KCNK2: variants seen among roughly 807,000 people sequenced by gnomAD.
KCNK2 encodes the protein potassium two pore domain channel subfamily K member 2.
Under a neutral mutation model 40.5 loss-of-function variants are expected in KCNK2, and 21 were observed. That is an observed-to-expected ratio of 0.52 (90% CI 0.37 to 0.75). The LOEUF (loss-of-function observed/expected upper bound fraction) is 0.75, where lower values mean the gene tolerates loss of function less well. KCNK2 is among the 30% of genes least tolerant of loss of function. The pLI is 0.00. For missense variants in KCNK2, 399 were observed against 531.6 expected (o/e 0.75, Z 2.45); for synonymous variants, 191 against 202.2 (o/e 0.94, Z 0.47).
intron 6 of KCNK2, among the ~76,000 whole-genome samples, chr1:215,204,301 C>G (rs12038616): frequency 0.44 from 65,850 of 151,046 alleles, 17,804 homozygotes; most frequent in East Asian, 0.6. Flanking sequence ...AGGTTGAATT[C>G]TCAGTATAAA....
At chr1:215,100,250 G>T (rs895020729) in intron 2 of KCNK2, among the ~76,000 whole-genome samples, 1 of 151,994 alleles carries the variant, frequency 6.6e-6, no homozygotes, top group Non-Finnish European at 1.5e-5. Flanking sequence ...CAGGGTAACA[G>T]TGTGGTCAGG....
chr1:215,172,231 A>G, intron 5 of KCNK2, 48 bp downstream of exon 5: 2 of 1,503,634 alleles, frequency 1.3e-6, no homozygotes, highest in Non-Finnish European at 1.8e-6. Flanking sequence ...GGGGTTTATT[A>G]GATAGATTTT....
At chr1:215,203,643 A>G (rs964261834) in intron 6 of KCNK2, among the ~76,000 whole-genome samples, 105 of 152,276 alleles carry the variant, frequency 6.9e-4, no homozygotes, top group Non-Finnish European at 1.1e-3. Flanking sequence ...ACAAAAGAAA[A>G]GATAAACAAA....
At chr1:215,209,331 T>A (rs866685405) in intron 6 of KCNK2, among the ~76,000 whole-genome samples, 1 of 94,748 alleles carries the variant, frequency 1.1e-5, no homozygotes, top group South Asian at 2.8e-4. Flanking sequence ...CACATATTTT[T>A]ATATATATAA....
intron 6 of KCNK2, among the ~76,000 whole-genome samples, chr1:215,210,681 A>T (rs1665705272): frequency 6.6e-6 from 1 of 152,114 alleles, no homozygotes; most frequent in Non-Finnish European, 1.5e-5. Flanking sequence ...CTCAAGGAGA[A>T]ATTTATAGGT....
intron 1 of KCNK2, among the ~76,000 whole-genome samples, chr1:215,008,049 G>A (rs1656246311): frequency 1.3e-5 from 2 of 151,224 alleles, no homozygotes; most frequent in African/African-American, 4.9e-5. Context: ...AAAAGCATCT[G>A]GATTTATTAT....
At chr1:215,050,803 G>T (rs1303541541) in intron 1 of KCNK2, among the ~76,000 whole-genome samples, 2 of 152,122 alleles carry the variant, frequency 1.3e-5, no homozygotes, top group African/African-American at 4.8e-5. Flanking sequence ...GGAGTTGGGG[G>T]TTGCTACTGC....
chr1:215,206,555 C>T (rs12136573), intron 6 of KCNK2, among the ~76,000 whole-genome samples: 1 of 152,122 alleles, frequency 6.6e-6, no homozygotes, highest in African/African-American at 2.4e-5. Context: ...TAAAACTTTT[C>T]AAAATCCTGT....
chr1:215,177,827 C>G (rs1664052208), intron 5 of KCNK2, among the ~76,000 whole-genome samples: 2 of 135,072 alleles, frequency 1.5e-5, no homozygotes, highest in African/African-American at 2.7e-5. Context: ...ATGTCTCCAG[C>G]TTTTTTTTTT....
intron 3 of KCNK2, among the ~76,000 whole-genome samples, chr1:215,137,751 T>A (rs938773806): frequency 6.6e-6 from 1 of 152,220 alleles, no homozygotes; most frequent in Non-Finnish European, 1.5e-5. Context: ...CTCAAAAGGA[T>A]AATGTATTTA....
Position 215,114,994 on chromosome 1 carries a change from G to GGTGTGT in KCNK2, c.358-9610_358-9605dup, listed in dbSNP as rs59948899. On this transcript the variant is annotated intron_variant, in intron 2 of 6. Transcript: ENST00000444842. ...ATTGTGTTAACTGGTTACTTTGTCA[G>GGTGTGT]GTGTGTGTGTGTGTGTGTGTGTGTG... 1.2e-3 allele frequency among the ~76,000 whole-genome samples: 184 copies of GGTGTGT among 147,332 alleles called. 1 individual carries two copies. Among genetic ancestry groups the GGTGTGT allele is most frequent in the African/African-American group, 4.5e-3 (177 of 39,018 alleles).
chr1:215,235,199 C>T lies in KCNK2; in HGVS notation c.*54C>T. On this transcript the variant is annotated 3_prime_UTR_variant, in exon 7 of 7. Transcript: ENST00000444842. ...CCATAGGTGAGGACTTCTCTATGCT[C>T]TTTATGACTGTTGCTGGTAGCATTT... is the stretch of plus-strand genomic sequence containing the variant. The T allele has an allele frequency of 2.8e-6, 4 of 1,428,246 alleles. No homozygotes were observed. The highest frequency in any genetic ancestry group is 3.8e-6 in the Non-Finnish European group (4 of 1,046,336). 88.5% of individuals were successfully genotyped at this position (1,428,246 alleles called of 1,614,324 possible). A position where few individuals can be genotyped will look rare whatever the true frequency, so the allele number is the denominator to read the frequency against.
chr1:215,130,334 C>T (rs1430497971), intron 3 of KCNK2, among the ~76,000 whole-genome samples: 1 of 152,154 alleles, frequency 6.6e-6, no homozygotes, highest in Non-Finnish European at 1.5e-5. Context: ...GCTCCGTACC[C>T]CCTACTTCTA....
intron 2 of KCNK2, among the ~76,000 whole-genome samples, chr1:215,088,296 CT>C (rs1049275190): frequency 2.6e-5 from 4 of 152,156 alleles, no homozygotes; most frequent in African/African-American, 9.7e-5. Context: ...GCGTTTTGAA[CT>C]GCAGTTGAGT....
At chr1:215,228,643 G>A (rs1666492954) in intron 6 of KCNK2, among the ~76,000 whole-genome samples, 1 of 151,984 alleles carries the variant, frequency 6.6e-6, no homozygotes, top group South Asian at 2.1e-4. Context: ...CAGATTGCTT[G>A]GTCATAGGAA....
chr1:215,156,569 C>G (rs1466898792), intron 3 of KCNK2, among the ~76,000 whole-genome samples: 3 of 152,092 alleles, frequency 2.0e-5, no homozygotes, highest in Non-Finnish European at 4.4e-5. Context: ...TTCTGTGGAA[C>G]AAATATTTCT....
intron 1 of KCNK2, among the ~76,000 whole-genome samples, chr1:215,068,877 A>G (rs1005388974): frequency 3.3e-5 from 5 of 152,200 alleles, no homozygotes; most frequent in African/African-American, 7.2e-5. Flanking sequence ...TCCCCTTAGC[A>G]ACCAGCTATT....
chr1:215,181,977 C>T (rs994110195), intron 5 of KCNK2, among the ~76,000 whole-genome samples: 14 of 152,188 alleles, frequency 9.2e-5, no homozygotes, highest in African/African-American at 1.2e-4. Context: ...TCCAGAAGTG[C>T]GCCTAAGCAT....
intron 6 of KCNK2, among the ~76,000 whole-genome samples, chr1:215,201,373 G>GT (rs1342498011): frequency 1.3e-5 from 2 of 152,176 alleles, no homozygotes; most frequent in Non-Finnish European, 2.9e-5. Context: ...AGAAAGCAAT[G>GT]TAAATCTTGT....
Sources: allele counts gnomAD v4.1 joint callset (sites outside exome capture counted in the v4.1 genomes callset), GRCh38; gene constraint gnomAD v4.1.1; transcripts MANE v1.5; gene names NCBI Gene and HGNC (gene_info 2026-07-23, HGNC 2026-07-21).